CCDC73: variants seen among roughly 807,000 people sequenced by gnomAD.
CCDC73 encodes coiled-coil domain-containing protein 73.
CCDC73 carries 95 observed loss-of-function variants against 116.5 expected under a neutral mutation model. That is an observed-to-expected ratio of 0.82 (90% CI 0.69 to 0.97). The LOEUF (loss-of-function observed/expected upper bound fraction) is 0.97. Among genes scored for constraint, CCDC73 ranks in the 50% least tolerant of loss-of-function variants. CCDC73 has a pLI of 0.00. For missense variants in CCDC73, 1,066 were observed against 1,206.8 expected (o/e 0.88, Z 1.73); for synonymous variants, 398 against 401.3 (o/e 0.99, Z 0.10).
intron 3 of CCDC73, among the ~76,000 whole-genome samples, chr11:32,704,237 C>T (rs887439236): frequency 4.6e-5 from 7 of 152,212 alleles, no homozygotes; most frequent in African/African-American, 9.6e-5. Flanking sequence ...TGTGTGGTGG[C>T]GGGCAGGTAG....
intron 9 of CCDC73, among the ~76,000 whole-genome samples, chr11:32,659,788 A>T (rs548727469): frequency 6.6e-6 from 1 of 152,298 alleles, no homozygotes. Context: ...TACTCGATAT[A>T]GTTCAATATA....
chr11:32,830,392 CGGGCGCTCT>C, the CCDC73 span: 1 of 958,240 alleles, frequency 1.0e-6, no homozygotes, highest in Non-Finnish European at 1.4e-6. Flanking sequence ...AACCGCGCGC[CGGGCGCTCT>C]TGCGCCTAGG....
rs184547759 is a variant in CCDC73, at chr11:32,667,210, G to T, written c.645+8355C>A. On this transcript the variant is annotated intron_variant, in intron 9 of 17. Coordinates refer to ENST00000335185, the MANE Select transcript of CCDC73 (RefSeq NM_001008391.4). ...GAAGCTGTCAGACAGGGACATTTAAGTCTGCAGAGGTTTCTGCTGCCTTTT... is the reference window on the plus strand; with the variant it reads ...GAAGCTGTCAGACAGGGACATTTAATTCTGCAGAGGTTTCTGCTGCCTTTT... Among the ~76,000 whole-genome samples the T allele has an allele frequency of 7.2e-3, 1,095 of 152,358 alleles. 11 individuals are homozygous for T. Among genetic ancestry groups the T allele is most frequent in the African/African-American group, 0.025 (1,024 of 41,584 alleles).
intron 9 of CCDC73, among the ~76,000 whole-genome samples, chr11:32,665,089 A>G (rs1338059896): frequency 1.3e-5 from 2 of 152,162 alleles, no homozygotes; most frequent in Non-Finnish European, 2.9e-5. Context: ...TATGTGGTCA[A>G]TTTTGGAATA....
chr11:32,788,178 TGAATA>T (rs1217937752), intron 1 of CCDC73, among the ~76,000 whole-genome samples: 4 of 152,238 alleles, frequency 2.6e-5, no homozygotes, highest in Non-Finnish European at 5.9e-5. Flanking sequence ...TATACTGAAT[TGAATA>T]GATCACTCAT....
chr11:32,767,455 G>T (rs1201185076), intron 1 of CCDC73, among the ~76,000 whole-genome samples: 2 of 152,166 alleles, frequency 1.3e-5, no homozygotes, highest in South Asian at 4.1e-4. Context: ...GGCAACAAAA[G>T]CCAACATTGA....
chr11:32,790,391 C>G (rs994353844), intron 1 of CCDC73, among the ~76,000 whole-genome samples: 1 of 152,124 alleles, frequency 6.6e-6, no homozygotes, highest in Admixed American at 6.6e-5. Flanking sequence ...CTGTTATTGT[C>G]TATTCCACAT....
chr11:32,767,314 A>T lies in CCDC73; in HGVS notation c.-15-7056T>A, dbSNP rs567948191. Among the ~76,000 whole-genome samples the T allele has an allele frequency of 1.6e-4, 24 of 152,338 alleles. No individual in the cohort carries two copies. In the South Asian group the frequency reaches 4.8e-3, roughly 30 times the overall value. On this transcript the variant is annotated intron_variant, in intron 1 of 17. Coordinates refer to ENST00000335185, the MANE Select transcript of CCDC73 (RefSeq NM_001008391.4). ...TCCCTTCCTTACACTTTATACAAAA[A>T]TTAATTCAAGATGGATTAAAGACGT...
At chr11:32,677,824 C>T (rs543921635) in intron 7 of CCDC73, among the ~76,000 whole-genome samples, 10 of 151,530 alleles carry the variant, frequency 6.6e-5, no homozygotes, top group African/African-American at 2.2e-4. Flanking sequence ...TGGTGATGCG[C>T]GCCTGTAATC....
intron 1 of CCDC73, among the ~76,000 whole-genome samples, chr11:32,765,045 A>G (rs1216198409): frequency 6.6e-6 from 1 of 152,236 alleles, no homozygotes. Flanking sequence ...AAAGGGATCA[A>G]TTCAACAAGA....
intron 12 of CCDC73, among the ~76,000 whole-genome samples, chr11:32,649,851 A>AT (rs1855811039): frequency 6.6e-6 from 1 of 152,172 alleles, no homozygotes. Flanking sequence ...TATTGTTTGC[A>AT]TTTTTAATAT....
At chr11:32,753,134 G>A (rs916140102) in intron 2 of CCDC73, among the ~76,000 whole-genome samples, 1 of 151,912 alleles carries the variant, frequency 6.6e-6, no homozygotes, top group Non-Finnish European at 1.5e-5. Context: ...TTAACTTTAT[G>A]ATGGCTATTA....
intron 1 of CCDC73, among the ~76,000 whole-genome samples, chr11:32,770,523 A>C (rs955840166): frequency 6.6e-6 from 1 of 152,172 alleles, no homozygotes; most frequent in African/African-American, 2.4e-5. Flanking sequence ...TTTCTAGAAC[A>C]AAACAAGGAT....
intron 12 of CCDC73, among the ~76,000 whole-genome samples, chr11:32,647,531 A>T (rs1000170386): frequency 1.3e-5 from 2 of 152,212 alleles, no homozygotes; most frequent in African/African-American, 4.8e-5. Context: ...CTACCTATTC[A>T]TATTTAAAAA....
chr11:32,654,332 CA>C (rs1838547378), intron 10 of CCDC73, among the ~76,000 whole-genome samples: 1 of 152,166 alleles, frequency 6.6e-6, no homozygotes, highest in Non-Finnish European at 1.5e-5. Flanking sequence ...CACCATTACG[CA>C]CAGCTAATTT....
At chr11:32,792,062 A>G (rs1850681561) in intron 1 of CCDC73, among the ~76,000 whole-genome samples, 1 of 152,140 alleles carries the variant, frequency 6.6e-6, no homozygotes, top group African/African-American at 2.4e-5. Context: ...CAGGACTGAT[A>G]AAAGAACATA....
chr11:32,790,472 T>C (rs1204730962), intron 1 of CCDC73, among the ~76,000 whole-genome samples: 2 of 152,214 alleles, frequency 1.3e-5, no homozygotes, highest in African/African-American at 2.4e-5. Flanking sequence ...AACTGTTTCA[T>C]GTTTGAAGAA....
chr11:32,743,347 G>C (rs1219388194), intron 2 of CCDC73, among the ~76,000 whole-genome samples: 1 of 152,052 alleles, frequency 6.6e-6, no homozygotes, highest in Admixed American at 6.6e-5. Flanking sequence ...AATCACATTA[G>C]AACTCAGGAT....
At chr11:32,758,981 T>C (rs1850367376) in intron 2 of CCDC73, among the ~76,000 whole-genome samples, 1 of 152,130 alleles carries the variant, frequency 6.6e-6, no homozygotes, top group African/African-American at 2.4e-5. Context: ...ACAATAAATT[T>C]CAATATTTTA....
Sources: gnomAD v4.1 joint callset for allele counts (sites outside exome capture counted in the v4.1 genomes callset) on GRCh38, gnomAD v4.1.1 for gene constraint, MANE v1.5 for transcripts, NCBI Gene and HGNC (gene_info 2026-07-23, HGNC 2026-07-21) for gene names.